Variants in LRIG1 observed in about 807,000 individuals in gnomAD.
LRIG1 encodes leucine-rich repeats and immunoglobulin-like domains protein 1.
LRIG1 carries 48 observed loss-of-function variants against 99.2 expected under a neutral mutation model. The observed-to-expected ratio is 0.48, with a 90% CI of 0.38 to 0.62. The LOEUF (loss-of-function observed/expected upper bound fraction) is 0.62, where lower values mean the gene tolerates loss of function less well. Among genes scored for constraint, LRIG1 ranks in the 20% least tolerant of loss-of-function variants. LRIG1 has a pLI of 0.00. For synonymous variants in LRIG1, 772 were observed against 596.1 expected, an observed-to-expected ratio of 1.29 and a Z score of -4.30; for missense variants, 1,646 against 1,434.4, an observed-to-expected ratio of 1.15 and a Z score of -2.38.
Position 66,385,457 on chromosome 3 carries a change from T to TTTTTA in LRIG1, c.1789+523_1789+524insTAAAA, listed in dbSNP as rs1553711546. On this transcript the variant is annotated intron_variant, in intron 13 of 18. Coordinates refer to ENST00000273261, the MANE Select transcript of LRIG1 (RefSeq NM_015541.3). ...CTCCACAATTTGACTTAATAACTAGTTTTTGTTTTGTTTTTGAGACAGTCT... is the reference window on the plus strand; with the variant it reads ...CTCCACAATTTGACTTAATAACTAGTTTTTATTTTGTTTTGTTTTTGAGACAGTCT... 5.1e-3 allele frequency among the ~76,000 whole-genome samples: 774 copies of TTTTTA among 151,402 alleles called. 12 individuals are homozygous for TTTTTA. Among genetic ancestry groups the TTTTTA allele is most frequent in the African/African-American group, 0.014 (568 of 41,264 alleles).
intron 3 of LRIG1, among the ~76,000 whole-genome samples, chr3:66,430,061 TACTC>T (rs1269320370): frequency 6.6e-6 from 1 of 152,096 alleles, no homozygotes; most frequent in Non-Finnish European, 1.5e-5. Flanking sequence ...ACTTAAAAGG[TACTC>T]AATCAATATT....
At chr3:66,425,156 G>T (rs1309059643) in intron 3 of LRIG1, among the ~76,000 whole-genome samples, 1 of 152,226 alleles carries the variant, frequency 6.6e-6, no homozygotes, top group Non-Finnish European at 1.5e-5. Flanking sequence ...GAGCCGGGAT[G>T]CAAGCCCAGG....
At chr3:66,430,008 C>T (rs1452488436) in intron 3 of LRIG1, among the ~76,000 whole-genome samples, 1 of 152,140 alleles carries the variant, frequency 6.6e-6, no homozygotes, top group African/African-American at 2.4e-5. Flanking sequence ...TTTAGTCTAT[C>T]GTATTGACTG....
chr3:66,406,599 G>A (rs370994095), intron 8 of LRIG1, among the ~76,000 whole-genome samples: 13 of 152,154 alleles, frequency 8.5e-5, no homozygotes, highest in African/African-American at 2.4e-4. Flanking sequence ...CCTAGAACCC[G>A]CCACCACTGT....
chr3:66,432,511 C>T (rs1703206245), intron 3 of LRIG1, among the ~76,000 whole-genome samples: 1 of 152,158 alleles, frequency 6.6e-6, no homozygotes. Flanking sequence ...GCTGGCTTCG[C>T]TCTTAACATC....
chr3:66,446,084 C>T (rs1032942726), intron 3 of LRIG1, among the ~76,000 whole-genome samples: 1 of 152,172 alleles, frequency 6.6e-6, no homozygotes, highest in Non-Finnish European at 1.5e-5. Context: ...TTTGCATTAA[C>T]GAGCCTGTAA....
intron 8 of LRIG1, chr3:66,405,793 G>A: frequency 8.4e-7 from 1 of 1,184,892 alleles, no homozygotes; most frequent in Admixed American, 3.2e-5. Context: ...CTCCTCCCAA[G>A]GCCTGCAGGG....
chr3:66,405,194 T>A lies in LRIG1; in HGVS notation c.1160+4A>T. On this transcript the variant is annotated splice_donor_region_variant and intron_variant, in intron 9 of 18. Coordinates refer to ENST00000273261, the MANE Select transcript of LRIG1 (RefSeq NM_015541.3). ...CGGCGGAGCTCCGTGCGGCGGATAC[T>A]CACAGCTTGCTGAGGCTGTCGAGCC... 2 of 1,613,896 alleles carry A rather than the reference T, an allele frequency of 1.2e-6. No individual in the cohort carries two copies. The highest frequency in any genetic ancestry group is 1.7e-6 in the Non-Finnish European group (2 of 1,179,830).
At chr3:66,489,252 G>A (rs1701045391) in intron 1 of LRIG1, among the ~76,000 whole-genome samples, 1 of 152,150 alleles carries the variant, frequency 6.6e-6, no homozygotes, top group Non-Finnish European at 1.5e-5. Context: ...GGCCTAGCAT[G>A]GTAGCTCACA....
At chr3:66,482,169 C>G (rs193291665) in intron 1 of LRIG1, among the ~76,000 whole-genome samples, 2 of 152,236 alleles carry the variant, frequency 1.3e-5, no homozygotes, top group Non-Finnish European at 2.9e-5. Context: ...CAGTCCCCTC[C>G]GCAACACGCG....
chr3:66,383,922 A>C, intron 14 of LRIG1, 69 bp downstream of exon 14: 1 of 1,550,920 alleles, frequency 6.4e-7, no homozygotes, highest in Non-Finnish European at 8.7e-7. Flanking sequence ...GGCCACACAG[A>C]GCATTTGAGA....
intron 2 of LRIG1, among the ~76,000 whole-genome samples, chr3:66,460,508 A>C (rs1700331726): frequency 1.3e-5 from 2 of 152,212 alleles, no homozygotes; most frequent in African/African-American, 4.8e-5. Flanking sequence ...GCCCTGATCC[A>C]ATATGACTGG....
At chr3:66,403,965 C>T (rs1702163784) in intron 9 of LRIG1, among the ~76,000 whole-genome samples, 1 of 152,212 alleles carries the variant, frequency 6.6e-6, no homozygotes, top group African/African-American at 2.4e-5. Flanking sequence ...ACTTCTGGCT[C>T]TTCCCAGGTT....
At chr3:66,467,521 A>C (rs896936014) in intron 1 of LRIG1, among the ~76,000 whole-genome samples, 2 of 152,022 alleles carry the variant, frequency 1.3e-5, no homozygotes, top group African/African-American at 4.8e-5. Flanking sequence ...CACCACGCCC[A>C]GCTAATTTTT....
chr3:66,491,492 C>T (rs1222692156), intron 1 of LRIG1, among the ~76,000 whole-genome samples: 1 of 152,046 alleles, frequency 6.6e-6, no homozygotes, highest in Non-Finnish European at 1.5e-5. Flanking sequence ...ATTTTGAGAA[C>T]ATATAAACTA....
chr3:66,402,291 C>T (rs1172529285), intron 9 of LRIG1, among the ~76,000 whole-genome samples: 1 of 152,184 alleles, frequency 6.6e-6, no homozygotes, highest in East Asian at 1.9e-4. Context: ...ACCGCACAAC[C>T]ATTTGGAAAC....
chr3:66,443,995 G>A (rs80170000), intron 3 of LRIG1, among the ~76,000 whole-genome samples: 9,888 of 152,266 alleles, frequency 0.065, 414 homozygotes, highest in South Asian at 0.16. Context: ...TTTCAGACAC[G>A]CCTGTTAACT....
chr3:66,423,240 G>A (rs78867020), intron 3 of LRIG1, among the ~76,000 whole-genome samples: 8,477 of 152,222 alleles, frequency 0.056, 297 homozygotes, highest in South Asian at 0.14. Context: ...TACTTCAGAT[G>A]GTAAATTTTA....
At chr3:66,427,811 C>T (rs1378452813) in intron 3 of LRIG1, among the ~76,000 whole-genome samples, 2 of 152,120 alleles carry the variant, frequency 1.3e-5, no homozygotes, top group Admixed American at 1.3e-4. Flanking sequence ...TTATTCCTCC[C>T]AAAGGAAACC....
Sources: gnomAD v4.1 joint callset for allele counts (sites outside exome capture counted in the v4.1 genomes callset) on GRCh38, gnomAD v4.1.1 for gene constraint, MANE v1.5 for transcripts, NCBI Gene and HGNC (gene_info 2026-07-23, HGNC 2026-07-21) for gene names.